The following DENND1A variants were observed in gnomAD, a reference collection of about 807,000 sequenced individuals.
DENND1A encodes DENN domain containing 1A.
In DENND1A, 51 loss-of-function variants were observed where a neutral mutation model predicts 113.7. The ratio of observed to expected loss-of-function variants is 0.45; its 90% CI spans 0.36 to 0.57. The LOEUF (loss-of-function observed/expected upper bound fraction) is 0.57, where lower values mean the gene tolerates loss of function less well. Among genes scored for constraint, DENND1A ranks in the 20% least tolerant of loss-of-function variants. The pLI, the probability that DENND1A is intolerant of heterozygous loss-of-function variation, is 0.00. For missense variants in DENND1A, 1,258 were observed against 1,395.9 expected (o/e 0.90, Z 1.57); for synonymous variants, 565 against 570.8 (o/e 0.99, Z 0.14).
At chr9:123,622,667 T>C (rs1440115908) in intron 10 of DENND1A, among the ~76,000 whole-genome samples, 3 of 152,232 alleles carry the variant, frequency 2.0e-5, no homozygotes, top group Non-Finnish European at 4.4e-5. Flanking sequence ...CACTATTTCT[T>C]GGCTGTGTGA....
At chr9:123,614,655 G>C (rs552626534) in intron 10 of DENND1A, among the ~76,000 whole-genome samples, 11 of 152,068 alleles carry the variant, frequency 7.2e-5, no homozygotes, top group Admixed American at 5.9e-4. Flanking sequence ...AGGGAGAGGC[G>C]GTCCCTCCAC....
chr9:123,701,690 C>T (rs1292626776), intron 5 of DENND1A, among the ~76,000 whole-genome samples: 2 of 152,214 alleles, frequency 1.3e-5, no homozygotes, highest in African/African-American at 2.4e-5. Flanking sequence ...CAGCCAAGAG[C>T]TTCAGGTATA....
chr9:123,484,976 T>C (rs116993344), intron 13 of DENND1A, among the ~76,000 whole-genome samples: 35 of 152,326 alleles, frequency 2.3e-4, no homozygotes, highest in Non-Finnish European at 4.1e-4. Flanking sequence ...CAAAGTTTTA[T>C]TTCGAGGGCT....
chr9:123,441,288 C>T (rs901612238), intron 18 of DENND1A, among the ~76,000 whole-genome samples: 1 of 152,124 alleles, frequency 6.6e-6, no homozygotes, highest in African/African-American at 2.4e-5. Context: ...ATTTGCATTA[C>T]TTTAATTATG....
intron 2 of DENND1A, among the ~76,000 whole-genome samples, chr9:123,820,177 C>T (rs540171616): frequency 2.0e-5 from 3 of 152,282 alleles, no homozygotes; most frequent in Non-Finnish European, 2.9e-5. Flanking sequence ...TGATAGGTTG[C>T]CTTCAAAAAT....
intron 13 of DENND1A, among the ~76,000 whole-genome samples, chr9:123,458,301 C>T (rs760273543): frequency 5.0e-4 from 76 of 151,942 alleles, no homozygotes; most frequent in Non-Finnish European, 1.0e-3. Context: ...GTGCCTGGCC[C>T]CCATCTGCTA....
chr9:123,778,242 T>A (rs1159147588), intron 3 of DENND1A, among the ~76,000 whole-genome samples: 1 of 152,190 alleles, frequency 6.6e-6, no homozygotes, highest in Non-Finnish European at 1.5e-5. Flanking sequence ...CTGCAACAGA[T>A]TCTAGTGTTT....
chr9:123,715,858 T>C (rs1308147051), intron 5 of DENND1A, among the ~76,000 whole-genome samples: 1 of 152,086 alleles, frequency 6.6e-6, no homozygotes, highest in Non-Finnish European at 1.5e-5. Context: ...GTATTTTTAA[T>C]AGAGATGGGG....
intron 13 of DENND1A, among the ~76,000 whole-genome samples, chr9:123,554,480 G>T (rs551658700): frequency 2.0e-5 from 3 of 152,244 alleles, no homozygotes; most frequent in African/African-American, 7.2e-5. Flanking sequence ...TCTTACATGG[G>T]GAATGTTGTT....
At chr9:123,727,040 T>C (rs1051282471) in intron 5 of DENND1A, among the ~76,000 whole-genome samples, 4 of 152,216 alleles carry the variant, frequency 2.6e-5, no homozygotes, top group African/African-American at 9.6e-5. Flanking sequence ...ACGTGTAATT[T>C]ACCCAGTTGT....
rs72061275 is a variant in DENND1A, at chr9:123,693,804, ATATTATTATTATTAT to A, written c.303-17030_303-17016del. On this transcript the variant is annotated intron_variant, in intron 5 of 23. Coordinates refer to ENST00000394215, the MANE Select transcript of DENND1A (RefSeq NM_001352964.2). ...ATATCATCCACAAGTTTCATTAGCTATATTATTATTATTATTATTATTATTATTATTATTATTATT... is the reference window on the plus strand; with the variant it reads ...ATATCATCCACAAGTTTCATTAGCTATATTATTATTATTATTATTATTATT... Among the ~76,000 whole-genome samples the A allele has an allele frequency of 1.4e-4, 19 of 140,198 alleles. No homozygotes were observed. The East Asian group carries it at 2.1e-3, about 15-fold the overall frequency. 92.0% of individuals were successfully genotyped at this position (140,198 alleles called of 152,430 possible).
At chr9:123,728,499 A>AAAAAAAC (rs2067902818) in intron 5 of DENND1A, among the ~76,000 whole-genome samples, 1 of 147,186 alleles carries the variant, frequency 6.8e-6, no homozygotes, top group African/African-American at 2.5e-5. Context: ...AAAAAAAAAA[A>AAAAAAAC]AAAAAAAAAA....
Position 123,576,507 on chromosome 9 carries a change from C to CT in DENND1A, c.867+6661dup, listed in dbSNP as rs1393926344. On this transcript the variant is annotated intron_variant, in intron 12 of 23. Transcript: ENST00000394215. ...CTGTTTTAAAAAGTCCTAGTTTTGC[C>CT]TTTTTTTTTGAGATGGATTCTAGCT... is the stretch of plus-strand genomic sequence containing the variant. Among the ~76,000 whole-genome samples the CT allele has an allele frequency of 1.9e-3, 292 of 151,338 alleles. 2 individuals are homozygous for CT. The highest frequency in any genetic ancestry group is 5.7e-3 in the African/African-American group (234 of 41,260).
intron 5 of DENND1A, among the ~76,000 whole-genome samples, chr9:123,732,596 T>C (rs2068255799): frequency 1.3e-5 from 2 of 152,170 alleles, no homozygotes; most frequent in Non-Finnish European, 1.5e-5. Flanking sequence ...GTATGGTGGT[T>C]ATGGTGGCAG....
chr9:123,381,795 G>A lies in DENND1A; in HGVS notation c.2850C>T (p.Ala950=), dbSNP rs1588238181. The A allele has an allele frequency of 2.0e-6, 3 of 1,518,760 alleles. No individual in the cohort carries two copies. Among genetic ancestry groups the A allele is most frequent in the Admixed American group, 4.4e-5 (2 of 45,056 alleles). 94.1% of individuals were successfully genotyped at this position (1,518,760 alleles called of 1,614,324 possible). Residue 950 remains alanine (A), a synonymous_variant, in exon 24 of 24, where the codon GCC becomes GCT. Transcript: ENST00000394215. The surrounding 1 kb of genome is among the most constrained non-coding windows in gnomAD (Gnocchi z 4.7). ...APHRSQPNLS[A]LSMPNLFGQM... Reference sequence around the variant, plus strand: ...GGCCAAAGAGGTTGGGCATGGAGAGGGCGGAGAGGTTGGGCTGAGACCTGT... The same window carrying A: ...GGCCAAAGAGGTTGGGCATGGAGAGAGCGGAGAGGTTGGGCTGAGACCTGT...
At chr9:123,460,031 A>C (rs1232700734) in intron 13 of DENND1A, among the ~76,000 whole-genome samples, 2 of 152,212 alleles carry the variant, frequency 1.3e-5, no homozygotes, top group East Asian at 3.8e-4. Context: ...GATATATAAA[A>C]AGTATTTGTT....
At chr9:123,908,239 A>G in intron 1 of DENND1A, among the ~76,000 whole-genome samples, 1 of 64,600 alleles carries the variant, frequency 1.5e-5, no homozygotes, top group African/African-American at 6.3e-5. Context: ...AAAACCATAA[A>G]AACCCTAGAA....
intron 2 of DENND1A, among the ~76,000 whole-genome samples, chr9:123,802,326 C>G (rs1341460193): frequency 6.6e-6 from 1 of 152,128 alleles, no homozygotes; most frequent in Non-Finnish European, 1.5e-5. Flanking sequence ...ATTCACCTTC[C>G]TTACTCTCCA....
chr9:123,611,082 A>T (rs560390417), intron 10 of DENND1A, among the ~76,000 whole-genome samples: 27 of 152,370 alleles, frequency 1.8e-4, no homozygotes, highest in African/African-American at 5.0e-4. Context: ...TTAGCAGCTC[A>T]GTTTGCTAAC....
Sources: allele counts gnomAD v4.1 joint callset (sites outside exome capture counted in the v4.1 genomes callset), GRCh38; gene constraint gnomAD v4.1.1; non-coding constraint Gnocchi (gnomAD v3.1); transcripts MANE v1.5; gene names NCBI Gene and HGNC (gene_info 2026-07-23, HGNC 2026-07-21).